Variants in ZNF704 observed in about 807,000 individuals in gnomAD.
ZNF704 encodes the protein glucocorticoid induced gene 1.
Under a neutral mutation model 44.7 loss-of-function variants are expected in ZNF704, and 10 were observed. The observed-to-expected ratio is 0.22, with a 90% confidence interval of 0.14 to 0.38. The LOEUF is 0.38. Among genes scored for constraint, ZNF704 ranks in the 10% least tolerant of loss-of-function variants. The pLI is 1.00. For missense variants in ZNF704, 390 were observed against 545.5 expected (o/e 0.71, Z 2.84); for synonymous variants, 211 against 207.6 (o/e 1.02, Z -0.14).
intron 4 of ZNF704, among the ~76,000 whole-genome samples, chr8:80,684,266 G>T (rs1818498901): frequency 6.6e-6 from 1 of 151,956 alleles, no homozygotes; most frequent in South Asian, 2.1e-4. Context: ...AAACTTTTTT[G>T]CTCATGAGCC....
intron 1 of ZNF704, among the ~76,000 whole-genome samples, chr8:80,856,665 A>G (rs1390931765): frequency 6.6e-6 from 1 of 152,086 alleles, no homozygotes; most frequent in African/African-American, 2.4e-5. Context: ...CCTTTGTCAA[A>G]CCATTTCTGT....
chr8:80,809,389 T>C (rs1808046699), intron 2 of ZNF704, among the ~76,000 whole-genome samples: 1 of 152,206 alleles, frequency 6.6e-6, no homozygotes, highest in Non-Finnish European at 1.5e-5. Context: ...AAATAGCAGA[T>C]GACCTTGTAA....
At chr8:80,730,881 A>G (rs1255574587) in intron 2 of ZNF704, among the ~76,000 whole-genome samples, 1 of 152,252 alleles carries the variant, frequency 6.6e-6, no homozygotes, top group Non-Finnish European at 1.5e-5. Context: ...ATATATTCAA[A>G]TTCTGATTAA....
At chr8:80,723,968 T>C (rs1806427161) in intron 2 of ZNF704, among the ~76,000 whole-genome samples, 1 of 152,244 alleles carries the variant, frequency 6.6e-6, no homozygotes, top group Non-Finnish European at 1.5e-5. Context: ...TGGCTCACAC[T>C]GATTCTCATC....
chr8:80,636,407 T>A lies in ZNF704; in HGVS notation c.*4959A>T, dbSNP rs1433560959. On this transcript the variant is annotated 3_prime_UTR_variant, in exon 9 of 9. Coordinates refer to ENST00000327835, the MANE Select transcript of ZNF704 (RefSeq NM_001033723.3). ...TGGATATGGGCTTTTTCAAAGTCAG[T>A]CATAATAAGCAAACCAGTTGGTCTT... 6.6e-6 allele frequency: 1 copy of A among 152,224 alleles called. No individual in the cohort carries two copies. The highest frequency in any genetic ancestry group is 1.5e-5 in the Non-Finnish European group (1 of 68,032). The allele number at this position is 152,224 out of a possible 1,614,324, so 9.4% of individuals were successfully genotyped here. A position where few individuals can be genotyped will look rare whatever the true frequency, so the allele number is the denominator to read the frequency against.
rs1809316029 is a variant in ZNF704, at chr8:80,874,189, C to A, written c.-22+382G>T. 6.8e-6 allele frequency among the ~76,000 whole-genome samples: 1 copy of A among 146,418 alleles called. No homozygotes were observed. The highest frequency in any genetic ancestry group is 6.8e-5 in the Admixed American group (1 of 14,768). ...AGCCGCCGGCCAGGACCCGCGGCTG[C>A]CACTGGCTGCAGAGGCGCGGGCGCC... On this transcript the variant is annotated intron_variant, in intron 1 of 8. Coordinates refer to ENST00000327835, the MANE Select transcript of ZNF704 (RefSeq NM_001033723.3). This position sits in a 1 kb window ranked among gnomAD's most constrained non-coding sequence, Gnocchi z 4.4.
chr8:80,759,538 G>A (rs1807093585), intron 2 of ZNF704, among the ~76,000 whole-genome samples: 1 of 152,104 alleles, frequency 6.6e-6, no homozygotes, highest in African/African-American at 2.4e-5. Flanking sequence ...ATACAGACTG[G>A]GGTTCCACCT....
At chr8:80,767,837 T>C (rs1270540545) in intron 2 of ZNF704, among the ~76,000 whole-genome samples, 1 of 152,172 alleles carries the variant, frequency 6.6e-6, no homozygotes, top group Middle Eastern at 3.2e-3. Flanking sequence ...ATAACTAAGG[T>C]CATCAACCCA....
chr8:80,801,473 C>T (rs889196366), intron 2 of ZNF704, among the ~76,000 whole-genome samples: 1 of 152,136 alleles, frequency 6.6e-6, no homozygotes, highest in African/African-American at 2.4e-5. Flanking sequence ...GTCTCTCAGA[C>T]CACAGCACAA....
At chr8:80,813,477 A>G (rs1028346744) in intron 2 of ZNF704, among the ~76,000 whole-genome samples, 1 of 152,222 alleles carries the variant, frequency 6.6e-6, no homozygotes. Context: ...AACATCAACC[A>G]AAAGAAGAAG....
chr8:80,672,383 G>T (rs1025011847), intron 4 of ZNF704, among the ~76,000 whole-genome samples: 1 of 152,178 alleles, frequency 6.6e-6, no homozygotes, highest in African/African-American at 2.4e-5. Context: ...ACTAAAAATA[G>T]AAGTACCATT....
At chr8:80,721,942 G>C (rs1412914820) in intron 2 of ZNF704, among the ~76,000 whole-genome samples, 4 of 152,138 alleles carry the variant, frequency 2.6e-5, no homozygotes, top group Non-Finnish European at 5.9e-5. Context: ...AGACTCCAAA[G>C]AAAGACTGCC....
intron 2 of ZNF704, among the ~76,000 whole-genome samples, chr8:80,724,075 T>C (rs184053196): frequency 6.8e-4 from 103 of 152,340 alleles, no homozygotes; most frequent in African/African-American, 2.5e-3. Flanking sequence ...GTTTTGAAGA[T>C]TCTTAGATGG....
chr8:80,841,821 G>C (rs186748536), intron 1 of ZNF704, among the ~76,000 whole-genome samples: 1 of 151,950 alleles, frequency 6.6e-6, no homozygotes, highest in East Asian at 1.9e-4. Context: ...AAAGGGTCTC[G>C]CTCTGTTGCC....
At chr8:80,722,096 T>C (rs1469533234) in intron 2 of ZNF704, among the ~76,000 whole-genome samples, 2 of 152,062 alleles carry the variant, frequency 1.3e-5, no homozygotes. Flanking sequence ...AAAACGTAGC[T>C]GGGAGTGGTG....
intron 1 of ZNF704, among the ~76,000 whole-genome samples, chr8:80,855,210 AG>A (rs1200091898): frequency 6.6e-6 from 1 of 152,166 alleles, no homozygotes; most frequent in East Asian, 1.9e-4. Context: ...CCAAGATAAA[AG>A]TGATAGCAGA....
At chr8:80,718,453 G>A (rs897537618) in intron 2 of ZNF704, among the ~76,000 whole-genome samples, 1 of 152,152 alleles carries the variant, frequency 6.6e-6, no homozygotes, top group Non-Finnish European at 1.5e-5. Flanking sequence ...ACCAGTTGTT[G>A]TTGGGGTTGG....
chr8:80,838,172 C>T (rs1004719406), intron 1 of ZNF704, among the ~76,000 whole-genome samples: 1 of 152,136 alleles, frequency 6.6e-6, no homozygotes, highest in Admixed American at 6.5e-5. Context: ...AGCAGTATGC[C>T]GGAGCTCATC....
chr8:80,868,682 AT>A (rs1258589890), intron 1 of ZNF704, among the ~76,000 whole-genome samples: 2 of 152,178 alleles, frequency 1.3e-5, no homozygotes, highest in Non-Finnish European at 2.9e-5. Context: ...CCCAACAAAT[AT>A]TTGTTTGAAT....
Sources: gnomAD v4.1 joint callset for allele counts (sites outside exome capture counted in the v4.1 genomes callset) on GRCh38, gnomAD v4.1.1 for gene constraint, Gnocchi (gnomAD v3.1) non-coding constraint, MANE v1.5 for transcripts, NCBI Gene and HGNC (gene_info 2026-07-23, HGNC 2026-07-21) for gene names.